ADAM18: variants seen among roughly 807,000 people sequenced by gnomAD.
ADAM18 encodes the protein disintegrin and metalloproteinase domain-containing protein 18.
ADAM18 carries 117 observed loss-of-function variants against 94.4 expected under a neutral mutation model. The ratio of observed to expected loss-of-function variants is 1.24; its 90% CI spans 1.07 to 1.45. ADAM18 has a LOEUF of 1.45. Among genes scored for constraint, ADAM18 ranks in the 40% most tolerant of loss-of-function variants. ADAM18 has a pLI of 0.00. For missense variants in ADAM18, 936 were observed against 880.0 expected (o/e 1.06, Z -0.81); for synonymous variants, 327 against 291.6 (o/e 1.12, Z -1.24).
At chr8:39,658,495 G>T (rs1007321604) in intron 12 of ADAM18, among the ~76,000 whole-genome samples, 3 of 152,162 alleles carry the variant, frequency 2.0e-5, no homozygotes, top group Admixed American at 6.5e-5. Context: ...CGAGGAATTT[G>T]AGTGGCCTTC....
intron 10 of ADAM18, among the ~76,000 whole-genome samples, chr8:39,640,493 G>A (rs1268234989): frequency 1.3e-5 from 2 of 152,064 alleles, no homozygotes; most frequent in Non-Finnish European, 2.9e-5. Flanking sequence ...AAATAAATGT[G>A]TGCATGTGTC....
chr8:39,721,794 A>T (rs1326820774), intron 18 of ADAM18, among the ~76,000 whole-genome samples: 5 of 151,558 alleles, frequency 3.3e-5, no homozygotes, highest in Non-Finnish European at 7.4e-5. Flanking sequence ...ACACTTTTAT[A>T]CTGCTGGTGG....
chr8:39,697,636 C>T lies in ADAM18; in HGVS notation c.1902+4956C>T, dbSNP rs113795972. On this transcript the variant is annotated intron_variant, in intron 17 of 19. Transcript: ENST00000265707. The stretch of plus-strand genomic sequence containing the variant: ...TTTACTCTTTCTATTTCTTGCATTC[C>T]TTTCTATATTTCTGTGTTTATTTCT... Among the ~76,000 whole-genome samples the T allele has an allele frequency of 3.8e-3, 574 of 151,602 alleles. 3 individuals are homozygous for T. Among genetic ancestry groups the T allele is most frequent in the African/African-American group, 0.013 (549 of 41,446 alleles).
chr8:39,631,335 A>G (rs554551683), intron 7 of ADAM18, among the ~76,000 whole-genome samples: 1 of 151,984 alleles, frequency 6.6e-6, no homozygotes, highest in East Asian at 1.9e-4. Context: ...ACCTTTTAAA[A>G]TAAGTTTTAT....
chr8:39,645,684 A>G (rs1820358460), intron 11 of ADAM18, among the ~76,000 whole-genome samples: 1 of 152,140 alleles, frequency 6.6e-6, no homozygotes, highest in South Asian at 2.1e-4. Flanking sequence ...CATACACATC[A>G]CTGACATCGC....
At chr8:39,720,948 T>C (rs1335203873) in intron 18 of ADAM18, among the ~76,000 whole-genome samples, 1 of 151,468 alleles carries the variant, frequency 6.6e-6, no homozygotes, top group Non-Finnish European at 1.5e-5. Flanking sequence ...CTATTCATAA[T>C]ACCCCAAATT....
chr8:39,608,907 C>T lies in ADAM18; in HGVS notation c.189-135C>T, dbSNP rs569666966. 15 of 612,050 alleles carry T rather than the reference C, an allele frequency of 2.5e-5. No individual in the cohort carries two copies. The East Asian group carries it at 3.6e-4, about 15-fold the overall frequency. The allele number at this position is 612,050 out of a possible 1,614,324, so 37.9% of individuals were successfully genotyped here. On this transcript the variant is annotated intron_variant, in intron 3 of 19. Coordinates refer to ENST00000265707, the MANE Select transcript of ADAM18 (RefSeq NM_014237.3). ...TATGAATTTCAACTGTTATGCCTCA[C>T]TAAAATCACTCAATTAAATCATGCC...
Position 39,730,058 on chromosome 8 carries a change from C to A in ADAM18, c.*118C>A. The A allele has an allele frequency of 2.0e-6, 2 of 983,902 alleles. No homozygotes were observed. Among genetic ancestry groups the A allele is most frequent in the South Asian group, 1.4e-5 (1 of 70,096 alleles). 60.9% of individuals were successfully genotyped at this position (983,902 alleles called of 1,614,324 possible). A position where few individuals can be genotyped will look rare whatever the true frequency, so the allele number is the denominator to read the frequency against. ...ACTTTTGGAAAATAAAGCCTGCGTG[C>A]CCTCCCATGTGCCTCCTCCAGTGCC... is the stretch of plus-strand genomic sequence containing the variant. On this transcript the variant is annotated 3_prime_UTR_variant, in exon 20 of 20. Transcript: ENST00000265707.
intron 13 of ADAM18, among the ~76,000 whole-genome samples, chr8:39,666,585 C>T (rs554730088): frequency 1.4e-4 from 21 of 152,234 alleles, no homozygotes; most frequent in South Asian, 1.0e-3. Flanking sequence ...TTAATGGACT[C>T]GCAGCTCCTC....
chr8:39,658,302 C>T (rs1366596367), intron 12 of ADAM18, among the ~76,000 whole-genome samples: 1 of 152,098 alleles, frequency 6.6e-6, no homozygotes, highest in Non-Finnish European at 1.5e-5. Flanking sequence ...AAAGGAACTT[C>T]GCAGGTGTGA....
At chr8:39,676,178 A>G (rs1309334517) in intron 14 of ADAM18, among the ~76,000 whole-genome samples, 1 of 152,208 alleles carries the variant, frequency 6.6e-6, no homozygotes, top group Non-Finnish European at 1.5e-5. Flanking sequence ...TGCTCTCTTC[A>G]GAGCTGTCAG....
chr8:39,647,616 T>C (rs1018887416), intron 11 of ADAM18, among the ~76,000 whole-genome samples: 1 of 152,150 alleles, frequency 6.6e-6, no homozygotes, highest in African/African-American at 2.4e-5. Flanking sequence ...CGAGGCCATA[T>C]TTCAGACTAT....
chr8:39,691,345 G>A (rs1382117975), intron 16 of ADAM18, among the ~76,000 whole-genome samples: 1 of 152,104 alleles, frequency 6.6e-6, no homozygotes, highest in East Asian at 1.9e-4. Context: ...AGAATGCAGA[G>A]AAAGGGTAAC....
At chr8:39,627,576 A>G (rs1004446862) in intron 6 of ADAM18, among the ~76,000 whole-genome samples, 2 of 151,982 alleles carry the variant, frequency 1.3e-5, no homozygotes, top group Non-Finnish European at 2.9e-5. Context: ...TGTCTTTTCC[A>G]CCCCTTTGCC....
chr8:39,702,805 C>G (rs188763082), intron 17 of ADAM18, among the ~76,000 whole-genome samples: 1 of 152,036 alleles, frequency 6.6e-6, no homozygotes, highest in Non-Finnish European at 1.5e-5. Context: ...GGTGTGTGAT[C>G]TTATGTCTGG....
In ADAM18 at chr8:39,626,808, T is replaced by C. The variant is rs566772825; in HGVS notation, c.523-2566T>C. Among the ~76,000 whole-genome samples the C allele has an allele frequency of 2.6e-5, 4 of 152,224 alleles. No homozygotes were observed. The South Asian group carries it at 6.2e-4, about 24-fold the overall frequency. ...GATTTTTAAAAAATTTATTGAGACT[T>C]ATTTTGTGGCCTATCATATTATCTG... On this transcript the variant is annotated intron_variant, in intron 6 of 19. Transcript: ENST00000265707.
intron 18 of ADAM18, among the ~76,000 whole-genome samples, chr8:39,707,203 C>G (rs1323579589): frequency 6.6e-6 from 1 of 152,202 alleles, no homozygotes; most frequent in Non-Finnish European, 1.5e-5. Flanking sequence ...CTCCTTTGCA[C>G]TTTCATTACT....
At chr8:39,654,239 G>T (rs564627670) in intron 12 of ADAM18, among the ~76,000 whole-genome samples, 1 of 144,996 alleles carries the variant, frequency 6.9e-6, no homozygotes. Context: ...CTCACTGCAA[G>T]CTCCGCCTTC....
chr8:39,592,960 G>A lies in ADAM18; in HGVS notation c.132+7608G>A, dbSNP rs540543123. Among the ~76,000 whole-genome samples, 30 of 152,178 alleles carry A rather than the reference G, an allele frequency of 2.0e-4. No homozygotes were observed. The South Asian group carries it at 4.1e-3, about 21-fold the overall frequency. On this transcript the variant is annotated intron_variant, in intron 2 of 19. Coordinates refer to ENST00000265707, the MANE Select transcript of ADAM18 (RefSeq NM_014237.3). ...CTGAAAATCTGTTGTTTAGTAGAGC[G>A]GTCTTCATCAATTATCTTAGCTAGA...
Sources: gnomAD v4.1 joint callset for allele counts (sites outside exome capture counted in the v4.1 genomes callset) on GRCh38, gnomAD v4.1.1 for gene constraint, MANE v1.5 for transcripts, NCBI Gene and HGNC (gene_info 2026-07-23, HGNC 2026-07-21) for gene names.